The following CAND2 variants were observed in gnomAD, a reference collection of about 807,000 sequenced individuals.
CAND2 encodes the protein cullin associated and neddylation dissociated 2 (putative).
In CAND2, 62 loss-of-function variants were observed where a neutral mutation model predicts 98.9. The ratio of observed to expected loss-of-function variants is 0.63; its 90% confidence interval spans 0.51 to 0.77. The LOEUF (loss-of-function observed/expected upper bound fraction) is 0.77. CAND2 is among the 30% of genes least tolerant of loss of function. The pLI is 0.00. For missense variants in CAND2, 1,501 were observed against 1,655.2 expected, an observed-to-expected ratio of 0.91 and a Z score of 1.62; for synonymous variants, 770 against 731.9, an observed-to-expected ratio of 1.05 and a Z score of -0.84.
intron 5 of CAND2, among the ~76,000 whole-genome samples, chr3:12,811,126 G>T (rs554316807): frequency 2.6e-5 from 4 of 151,452 alleles, no homozygotes; most frequent in African/African-American, 4.9e-5. Context: ...GCGGGGGGTG[G>T]GGGGGGGAAC....
At chr3:12,801,111 C>T (rs2061763411) in intron 1 of CAND2, among the ~76,000 whole-genome samples, 1 of 148,416 alleles carries the variant, frequency 6.7e-6, no homozygotes, top group Non-Finnish European at 1.5e-5. Flanking sequence ...GATCTCAGCT[C>T]ACTGCAACCT....
chr3:12,823,294 T>TTGTTTG (rs1553638998), intron 11 of CAND2, among the ~76,000 whole-genome samples: 1 of 151,616 alleles, frequency 6.6e-6, no homozygotes, highest in Non-Finnish European at 1.5e-5. Context: ...GTTGGTTTGT[T>TTGTTTG]TTTGCAGGGG....
chr3:12,815,465 C>A lies in CAND2; in HGVS notation c.1299+32C>A. On this transcript the variant is annotated intron_variant, in intron 8 of 14. Coordinates refer to ENST00000456430, the MANE Select transcript of CAND2 (RefSeq NM_001162499.2). The surrounding 1 kb of genome is among the most constrained non-coding windows in gnomAD (Gnocchi z 5.7). The stretch of plus-strand genomic sequence containing the variant: ...GTGCCTTCACCTCCACCCCTACCCC[C>A]GATTTGCCTACCCAGCCACTCACTG... 1 of 1,577,772 alleles carries A rather than the reference C, an allele frequency of 6.3e-7. No homozygotes were observed. Among genetic ancestry groups the A allele is most frequent in the South Asian group, 1.1e-5 (1 of 87,768 alleles).
intron 10 of CAND2, 112 bp from the exon 11 acceptor site, chr3:12,819,974 G>A (rs899806272): frequency 3.8e-6 from 3 of 796,782 alleles, no homozygotes; most frequent in East Asian, 2.5e-5. Flanking sequence ...TGGGGAGGGG[G>A]TACAGTTCTG....
chr3:12,831,253 G>A (rs1418001169), intron 13 of CAND2, among the ~76,000 whole-genome samples: 1 of 152,066 alleles, frequency 6.6e-6, no homozygotes, highest in Non-Finnish European at 1.5e-5. Flanking sequence ...GTGCTTTTCT[G>A]ATCCTCCTTG....
At position 12,834,139 on chromosome 3, in the gene CAND2, G is replaced by A. The variant is rs1575786556; in HGVS notation, c.*157G>A. ...GTCAGGGCTTACAGTGCCTTCTCCA[G>A]GGACCCAACTCAAAGGCCCCCAGCC... On this transcript the variant is annotated 3_prime_UTR_variant, in exon 15 of 15. Coordinates refer to ENST00000456430, the MANE Select transcript of CAND2 (RefSeq NM_001162499.2). 7.8e-6 allele frequency: 5 copies of A among 637,614 alleles called. No individual in the cohort carries two copies. The East Asian group carries it at 1.4e-4, about 17-fold the overall frequency. The allele number at this position is 637,614 out of a possible 1,614,324, so 39.5% of individuals were successfully genotyped here.
chr3:12,826,697 G>A (rs1015299115), intron 12 of CAND2, among the ~76,000 whole-genome samples: 1 of 151,804 alleles, frequency 6.6e-6, no homozygotes, highest in African/African-American at 2.4e-5. Flanking sequence ...CAGCCATCAT[G>A]CCCAACCTAC....
intron 1 of CAND2, among the ~76,000 whole-genome samples, chr3:12,802,338 C>G (rs1001116448): frequency 6.6e-6 from 1 of 152,110 alleles, no homozygotes; most frequent in African/African-American, 2.4e-5. Flanking sequence ...AAAAACAAAA[C>G]AAAACAAAAC....
rs759837376 is a variant in CAND2 at position 12,813,250 on chromosome 3, C to T, written c.868C>T (p.Pro290Ser). 2 of 1,613,140 alleles carry T rather than the reference C, an allele frequency of 1.2e-6. No homozygotes were observed. Among genetic ancestry groups the T allele is most frequent in the South Asian group, 2.2e-5 (2 of 90,978 alleles). Residue 290 changes from proline to serine, a missense_variant, in exon 7 of 15, where the codon CCC (proline) becomes TCC (serine). By Grantham distance (74) the Pro-to-Ser change is moderately conservative (BLOSUM62 -1). Coordinates refer to ENST00000456430, the MANE Select transcript of CAND2 (RefSeq NM_001162499.2). ...QAFEAFLRKCPKEMGPHVPNV... is the reference protein window; with the variant it reads ...QAFEAFLRKCSKEMGPHVPNV... ...ATTCCTCATCCTGCCCCACAGGTGC[C>T]CCAAGGAAATGGGTCCTCACGTGCC...
chr3:12,819,074 G>C (rs1308134467), intron 10 of CAND2, among the ~76,000 whole-genome samples: 2 of 152,194 alleles, frequency 1.3e-5, no homozygotes, highest in Admixed American at 6.5e-5. Flanking sequence ...GATGCTCTCT[G>C]TACATCTTCC....
Position 12,820,174 on chromosome 3 carries a change from C to T in CAND2, c.3033C>T (p.Ser1011=), listed in dbSNP as rs779740540. ...ATCCCATTGACCCCCTCCTGAAGAG[C>T]TTCATCGGTGAGCACCTACCTCTTG... ...QPHPIDPLLK[S]FIGEFMESLQ... is the part of the protein sequence containing the mutation. The change falls in exon 11 of 15, where the codon AGC becomes AGT. Residue 1011 remains serine (S), a synonymous_variant. Coordinates refer to ENST00000456430, the MANE Select transcript of CAND2 (RefSeq NM_001162499.2). The T allele has an allele frequency of 1.9e-6, 3 of 1,613,174 alleles. No individual in the cohort carries two copies. Among genetic ancestry groups the T allele is most frequent in the Admixed American group, 1.7e-5 (1 of 60,002 alleles).
rs767312912 is a variant in CAND2, at chr3:12,815,876, G to A, written c.1309G>A (p.Val437Met). Reference protein sequence around the residue: ...LHMLRGQVPLVVKALQRQLKD... With the variant: ...LHMLRGQVPLMVKALQRQLKD... ...CCCCTCCTGCCCACAGGTGCCCCTT[G>A]TGGTCAAGGCCCTGCAGCGGCAGCT... Residue 437 changes from valine to methionine, a missense_variant, in exon 9 of 15, where the codon GTG becomes ATG. Physicochemically the swap from Val to Met is conservative, Grantham distance 21 (BLOSUM62 1). This residue lies in a region of CAND2 where 1,427 missense variants were observed against 1,545.3 expected (regional missense o/e 0.92). Transcript: ENST00000456430. This position sits in a 1 kb window ranked among gnomAD's most constrained non-coding sequence, Gnocchi z 5.7. The A allele has an allele frequency of 3.1e-6, 5 of 1,613,334 alleles. No homozygotes were observed. The Admixed American group carries it at 8.3e-5, about 27-fold the overall frequency.
chr3:12,808,134 C>T, intron 3 of CAND2, 76 bp from the exon 4 acceptor site: 1 of 1,516,710 alleles, frequency 6.6e-7, no homozygotes, highest in Non-Finnish European at 8.9e-7. Context: ...ACAGCCAGAG[C>T]AGAGGCAGAC....
rs367848562 is a variant in CAND2 at position 12,827,451 on chromosome 3, G to C, written c.3222G>C (p.Gly1074=). ...CATCCCTCCTGCAGGTGGAGATGGG[G>C]CCCTTTAAACATACAGTGGACGATG... The part of the protein sequence containing the change: ...RRDLIREVEM[G]PFKHTVDDGL... Residue 1074 remains glycine, a synonymous_variant, in exon 13 of 15, where the codon GGG becomes GGC. Coordinates refer to ENST00000456430, the MANE Select transcript of CAND2 (RefSeq NM_001162499.2). The C allele has an allele frequency of 2.5e-6, 4 of 1,613,390 alleles. No homozygotes were observed. The highest frequency in any genetic ancestry group is 4.5e-5 in the East Asian group (2 of 44,878).
chr3:12,804,320 G>A (rs1438285057), intron 2 of CAND2, among the ~76,000 whole-genome samples: 1 of 151,992 alleles, frequency 6.6e-6, no homozygotes, highest in Admixed American at 6.6e-5. Context: ...AAAAGTTGCC[G>A]GGCATGGTGG....
chr3:12,815,576 A>C lies in CAND2; in HGVS notation c.1299+143A>C. ...AGGGGTCCCTGGGGTGGGGGGCGGG[A>C]GCCAGCCAGGCTTCTGGAGTGTAGT... On this transcript the variant is annotated intron_variant, in intron 8 of 14. Coordinates refer to ENST00000456430, the MANE Select transcript of CAND2 (RefSeq NM_001162499.2). The surrounding 1 kb of genome is among the most constrained non-coding windows in gnomAD (Gnocchi z 5.7). The C allele has an allele frequency of 1.1e-6, 1 of 914,984 alleles. No individual in the cohort carries two copies. Among genetic ancestry groups the C allele is most frequent in the Non-Finnish European group, 1.6e-6 (1 of 610,092 alleles). 56.7% of individuals were successfully genotyped at this position (914,984 alleles called of 1,614,324 possible). A position where few individuals can be genotyped will look rare whatever the true frequency, so the allele number is the denominator to read the frequency against.
chr3:12,803,334 C>G (rs1559547553), intron 1 of CAND2, among the ~76,000 whole-genome samples, 154 bp from the exon 2 acceptor site: 1 of 152,322 alleles, frequency 6.6e-6, no homozygotes, highest in East Asian at 1.9e-4. Context: ...TATATGTTGC[C>G]TGTCACTTAC....
In CAND2 at chr3:12,817,236, T is replaced by TC; in HGVS notation, c.2309dup (p.Cys771ValfsTer17). On this transcript the variant is annotated frameshift_variant, in exon 10 of 15. Transcript: ENST00000456430. LOFTEE classifies it high-confidence loss of function. ...TCCTGCAGGCCCTGGTAGGGACCCG[T>TC]CCCCCGTGTGTGGACTATGCCAAAC... 6.2e-7 allele frequency: 1 copy of TC among 1,613,796 alleles called. No homozygotes were observed. The highest frequency in any genetic ancestry group is 8.5e-7 in the Non-Finnish European group (1 of 1,180,014).
At chr3:12,816,085 C>T in intron 9 of CAND2, 77 bp downstream of exon 9, 20 of 1,453,596 alleles carry the variant, frequency 1.4e-5, no homozygotes, top group Non-Finnish European at 1.6e-5. Context: ...AGTTGAGCCC[C>T]CAGTTCCTGA....
Sources: allele counts gnomAD v4.1 joint callset (sites outside exome capture counted in the v4.1 genomes callset), GRCh38; gene constraint gnomAD v4.1.1; regional missense constraint gnomAD v4.1.1; non-coding constraint Gnocchi (gnomAD v3.1); transcripts MANE v1.5; gene names NCBI Gene and HGNC (gene_info 2026-07-23, HGNC 2026-07-21).